Variants in ORC1 observed in about 807,000 individuals in gnomAD.
The protein encoded by ORC1 is origin recognition complex subunit 1, also known as origin recognition complex, subunit 1 homolog.
A neutral mutation model predicts 98.9 loss-of-function variants in ORC1; 61 were observed. The ratio of observed to expected loss-of-function variants is 0.62; its 90% CI spans 0.50 to 0.76. ORC1 has a LOEUF of 0.76. ORC1 is among the 30% of genes least tolerant of loss of function. The probability of loss-of-function intolerance (pLI) is 0.00; values close to 1 mark genes in which losing one functional copy is unlikely to be tolerated. For synonymous variants in ORC1, 385 were observed against 406.9 expected, an observed-to-expected ratio of 0.95 and a Z score of 0.65; for missense variants, 979 against 1,072.2, an observed-to-expected ratio of 0.91 and a Z score of 1.21.
chr1:52,376,889 C>G (rs1299076804), intron 14 of ORC1, among the ~76,000 whole-genome samples: 2 of 152,168 alleles, frequency 1.3e-5, no homozygotes, highest in East Asian at 3.9e-4. Context: ...CTGCAGGCAC[C>G]TGAAACTTGA....
intron 6 of ORC1, among the ~76,000 whole-genome samples, chr1:52,392,159 T>C (rs1004273570): frequency 1.3e-5 from 2 of 149,412 alleles, no homozygotes; most frequent in African/African-American, 2.5e-5. Flanking sequence ...TGAGATGGAG[T>C]CTCGCTGTCG....
chr1:52,386,441 C>G (rs1018988649), intron 8 of ORC1, among the ~76,000 whole-genome samples: 1 of 152,156 alleles, frequency 6.6e-6, no homozygotes, highest in Non-Finnish European at 1.5e-5. Flanking sequence ...TTTTTCCACT[C>G]CAAACCCCCA....
upstream of ORC1, chr1:52,404,891 C>T (rs1647927328): frequency 1.9e-6 from 3 of 1,612,552 alleles, no homozygotes; most frequent in Non-Finnish European, 2.5e-6. Flanking sequence ...TAAGTGGAAG[C>T]GCGCGGAGCG....
upstream of ORC1, chr1:52,408,899 G>C (rs1648073166): frequency 4.2e-6 from 2 of 481,734 alleles, no homozygotes; most frequent in East Asian, 3.6e-5. Context: ...GCCTCTGTCT[G>C]TCTCCCTTTC....
chr1:52,400,256 C>A (rs1266608339), intron 3 of ORC1, among the ~76,000 whole-genome samples: 1 of 152,212 alleles, frequency 6.6e-6, no homozygotes, highest in African/African-American at 2.4e-5. Context: ...CTGCCACTAA[C>A]CCTGTATATG....
upstream of ORC1, among the ~76,000 whole-genome samples, chr1:52,405,525 A>G (rs146417844): frequency 6.6e-5 from 10 of 152,350 alleles, no homozygotes; most frequent in East Asian, 1.7e-3. Flanking sequence ...TTCTCAATGT[A>G]TATTAGCTGT....
Position 52,396,371 on chromosome 1 carries a change from T to G in ORC1, c.403-7A>C, listed in dbSNP as rs199834691. 5,303 of 1,614,100 alleles carry G rather than the reference T, an allele frequency of 3.3e-3. 17 individuals are homozygous for G. Among genetic ancestry groups the G allele is most frequent in the Non-Finnish European group, 4.1e-3 (4,856 of 1,179,990 alleles). On this transcript the variant is annotated splice_region_variant and splice_polypyrimidine_tract_variant and intron_variant, in intron 4 of 16. Transcript: ENST00000371568. ...TTGGGGCTAAAGGTATCACCTGAAT[T>G]TAGGAAGTATAGATAAGTAGGAAGA...
At chr1:52,375,991 G>A (rs1413375843) in intron 14 of ORC1, among the ~76,000 whole-genome samples, 2 of 152,206 alleles carry the variant, frequency 1.3e-5, no homozygotes, top group Non-Finnish European at 2.9e-5. Context: ...GAGCCTATCT[G>A]GAGATAAAGC....
At position 52,385,266 on chromosome 1, in the gene ORC1, C is replaced by T. The variant is rs1235866126; in HGVS notation, c.1482-4G>A. 1.3e-6 allele frequency: 2 copies of T among 1,593,112 alleles called. No individual in the cohort carries two copies. Among genetic ancestry groups the T allele is most frequent in the South Asian group, 2.2e-5 (2 of 90,650 alleles). ...AGGTACAGCAGAAACATGCAGCCTA[C>T]CATTGGTGGTAAACGGGAGAAAAGG... On this transcript the variant is annotated splice_region_variant and splice_polypyrimidine_tract_variant and intron_variant, in intron 9 of 16. Transcript: ENST00000371568.
In ORC1 at chr1:52,373,656, T is replaced by C. The variant is rs574872278; in HGVS notation, c.2392-281A>G. ...CACTCTTTTGAGCTTCAATTTTATC[T>C]ATAAAATACACTGTACATCCCTTGT... is the stretch of plus-strand genomic sequence containing the variant. On this transcript the variant is annotated intron_variant, in intron 16 of 16. Coordinates refer to ENST00000371568, the MANE Select transcript of ORC1 (RefSeq NM_004153.4). Among the ~76,000 whole-genome samples, 17 of 152,324 alleles carry C rather than the reference T, an allele frequency of 1.1e-4. No homozygotes were observed. The East Asian group carries it at 3.1e-3, about 28-fold the overall frequency.
At chr1:52,405,528 T>C (rs1009890358), upstream of ORC1, 6 of 665,500 alleles carry the variant, frequency 9.0e-6, no homozygotes, top group African/African-American at 3.6e-5. Context: ...TCAATGTATA[T>C]TAGCTGTTGT....
chr1:52,384,788 G>C, intron 10 of ORC1, 67 bp from the exon 11 acceptor site: 1 of 1,392,016 alleles, frequency 7.2e-7, no homozygotes, highest in Non-Finnish European at 1.0e-6. Flanking sequence ...AATCAGTTAG[G>C]AGTGTGGGAA....
chr1:52,386,885 A>T (rs1647149819), intron 8 of ORC1, among the ~76,000 whole-genome samples: 1 of 152,072 alleles, frequency 6.6e-6, no homozygotes, highest in South Asian at 2.1e-4. Flanking sequence ...CAGGAGGTTG[A>T]GGCTACAGTG....
At chr1:52,400,923 AC>A (rs1321726498) in intron 3 of ORC1, among the ~76,000 whole-genome samples, 2 of 152,068 alleles carry the variant, frequency 1.3e-5, no homozygotes, top group Non-Finnish European at 2.9e-5. Context: ...CCTGACTGAA[AC>A]CCCAATTGCT....
intron 4 of ORC1, among the ~76,000 whole-genome samples, chr1:52,397,156 A>G (rs1647442622): frequency 6.6e-6 from 1 of 152,218 alleles, no homozygotes; most frequent in African/African-American, 2.4e-5. Context: ...CATAATCAGC[A>G]TACAACCACA....
chr1:52,397,731 G>T lies in ORC1; in HGVS notation c.356C>A (p.Ala119Asp), dbSNP rs1351497876. The T allele has an allele frequency of 4.3e-6, 7 of 1,614,192 alleles. No homozygotes were observed. Among genetic ancestry groups the T allele is most frequent in the Non-Finnish European group, 5.9e-6 (7 of 1,180,024 alleles). Residue 119 changes from alanine (A) to aspartate (D), a missense_variant, in exon 4 of 17, where the codon GCC becomes GAC. Ala to Asp is a moderately radical substitution (Grantham distance 126). Coordinates refer to ENST00000371568, the MANE Select transcript of ORC1 (RefSeq NM_004153.4). ...CTCCGCATTAATGTTGCTGTCACAGGCCGGGTAATCATACCAGAATATTTC... is the reference window on the plus strand; with the variant it reads ...CTCCGCATTAATGTTGCTGTCACAGTCCGGGTAATCATACCAGAATATTTC... ...AQEIFWYDYP[A>D]CDSNINAETI... is the part of the protein sequence containing the mutation.
chr1:52,380,952 A>G (rs1307854259), intron 14 of ORC1, among the ~76,000 whole-genome samples: 1 of 152,224 alleles, frequency 6.6e-6, no homozygotes, highest in East Asian at 1.9e-4. Flanking sequence ...TGCTACAGCC[A>G]TTCAGGGTGA....
chr1:52,394,493 T>A (rs1427411253), intron 5 of ORC1, among the ~76,000 whole-genome samples: 1 of 151,878 alleles, frequency 6.6e-6, no homozygotes, highest in African/African-American at 2.4e-5. Context: ...TTATATTACA[T>A]AAAGTGAAAT....
chr1:52,375,321 T>C (rs1016283249), intron 15 of ORC1, 109 bp downstream of exon 15: 1 of 978,078 alleles, frequency 1.0e-6, no homozygotes. Flanking sequence ...AATGTCCCTA[T>C]GAAACATAAC....
Sources: allele counts gnomAD v4.1 joint callset (sites outside exome capture counted in the v4.1 genomes callset), GRCh38; gene constraint gnomAD v4.1.1; transcripts MANE v1.5; gene names NCBI Gene and HGNC (gene_info 2026-07-23, HGNC 2026-07-21).